TMEM41B: variants seen among roughly 807,000 people sequenced by gnomAD.
The protein encoded by TMEM41B is protein stasimon.
In TMEM41B, 18 loss-of-function variants were observed where a neutral mutation model predicts 31.9. That is an observed-to-expected ratio of 0.56 (90% confidence interval 0.39 to 0.84). The LOEUF is 0.84. TMEM41B is among the 40% of genes least tolerant of loss of function. The pLI is 0.00. For missense variants in TMEM41B, 322 were observed against 348.0 expected (o/e 0.93, Z 0.59); for synonymous variants, 144 against 124.3 (o/e 1.16, Z -1.05).
chr11:9,290,817 C>T (rs912703328), intron 3 of TMEM41B, among the ~76,000 whole-genome samples: 2 of 152,060 alleles, frequency 1.3e-5, no homozygotes, highest in Non-Finnish European at 2.9e-5. Flanking sequence ...TGTTATGATG[C>T]CCTATATTAA....
intron 6 of TMEM41B, among the ~76,000 whole-genome samples, chr11:9,285,604 C>T (rs1168262238): frequency 6.6e-6 from 1 of 151,940 alleles, no homozygotes; most frequent in African/African-American, 2.4e-5. Flanking sequence ...TTTTCATGTC[C>T]ACTGATTAAT....
At chr11:9,309,741 T>G (rs1240627219) in intron 1 of TMEM41B, among the ~76,000 whole-genome samples, 1 of 150,722 alleles carries the variant, frequency 6.6e-6, no homozygotes, top group African/African-American at 2.4e-5. Context: ...GCTAACATGG[T>G]GAAACCCCAT....
In TMEM41B at chr11:9,283,678, TAAAA is replaced by T. The variant is rs1852773255; in HGVS notation, c.707-89_707-86del. Reference sequence around the variant, plus strand: ...AATGTTCTGTGTGCATAAAGTTTCTTAAAACAACACAGCTATTTCCATTTTGGAA... The same window carrying T: ...AATGTTCTGTGTGCATAAAGTTTCTTCAACACAGCTATTTCCATTTTGGAA... On this transcript the variant is annotated intron_variant, in intron 6 of 6. Transcript: ENST00000528080. 4.2e-6 allele frequency: 5 copies of T among 1,200,714 alleles called. No individual in the cohort carries two copies. The South Asian group carries it at 6.0e-5, about 14-fold the overall frequency. The allele number at this position is 1,200,714 out of a possible 1,614,324, so 74.4% of individuals were successfully genotyped here.
At chr11:9,312,903 CAAAAAAAAA>C (rs36030741) in intron 1 of TMEM41B, among the ~76,000 whole-genome samples, 2 of 95,312 alleles carry the variant, frequency 2.1e-5, no homozygotes, top group Admixed American at 1.2e-4. Context: ...GACTCCGTCT[CAAAAAAAAA>C]AAAAAAAAAA....
intron 3 of TMEM41B, among the ~76,000 whole-genome samples, chr11:9,290,139 G>C (rs955392279): frequency 3.3e-5 from 5 of 152,058 alleles, no homozygotes; most frequent in Non-Finnish European, 4.4e-5. Flanking sequence ...CCAGCACTTA[G>C]GGAGTCTGAG....
chr11:9,282,156 T>C lies in TMEM41B; in HGVS notation c.*1268A>G, dbSNP rs927090984. ...ACTTTGGGAGGTGGAAGTGGGCATATAGCCTGAGGTCAGGAGTTCAAGACC... is the reference window on the plus strand; with the variant it reads ...ACTTTGGGAGGTGGAAGTGGGCATACAGCCTGAGGTCAGGAGTTCAAGACC... On this transcript the variant is annotated 3_prime_UTR_variant, in exon 7 of 7. Transcript: ENST00000528080. 2.0e-4 allele frequency: 30 copies of C among 152,128 alleles called. No individual in the cohort carries two copies. The highest frequency in any genetic ancestry group is 7.0e-4 in the African/African-American group (29 of 41,416). 9.4% of individuals were successfully genotyped at this position (152,128 alleles called of 1,614,324 possible).
At chr11:9,310,080 G>C (rs1186657623) in intron 1 of TMEM41B, among the ~76,000 whole-genome samples, 1 of 147,198 alleles carries the variant, frequency 6.8e-6, no homozygotes. Flanking sequence ...CTATCACCCA[G>C]ACTGGAGTGC....
In TMEM41B at chr11:9,292,617, G is replaced by A. The variant is rs562066176; in HGVS notation, c.368+2642C>T. On this transcript the variant is annotated intron_variant, in intron 3 of 6. Transcript: ENST00000528080. ...AGGTGGGAGGATCACTTGAGCCCAA[G>A]AGTTCCAGTTCGAGACCAGCCTGGG... is the stretch of plus-strand genomic sequence containing the variant. 2.0e-4 allele frequency among the ~76,000 whole-genome samples: 31 copies of A among 152,186 alleles called. No individual in the cohort carries two copies. The South Asian group carries it at 3.5e-3, about 17-fold the overall frequency.
At chr11:9,301,197 C>T (rs944603119) in intron 1 of TMEM41B, among the ~76,000 whole-genome samples, 1 of 151,946 alleles carries the variant, frequency 6.6e-6, no homozygotes, top group East Asian at 1.9e-4. Flanking sequence ...AGATTGAGAC[C>T]ATCCTGGCTA....
intron 3 of TMEM41B, among the ~76,000 whole-genome samples, chr11:9,294,002 C>A (rs571836261): frequency 5.3e-5 from 8 of 151,614 alleles, no homozygotes; most frequent in African/African-American, 1.9e-4. Flanking sequence ...CCAGCCCAGA[C>A]AACATAGCAA....
chr11:9,281,657 T>C lies in TMEM41B; in HGVS notation c.*1767A>G, dbSNP rs1449069332. ...TCAAGGAATCAAGGGCATTACCCATTTACCAAGCAGCAAAAAGCACTTTCA... is the reference window on the plus strand; with the variant it reads ...TCAAGGAATCAAGGGCATTACCCATCTACCAAGCAGCAAAAAGCACTTTCA... On this transcript the variant is annotated 3_prime_UTR_variant, in exon 7 of 7. Transcript: ENST00000528080. The C allele has an allele frequency of 1.3e-5, 2 of 152,228 alleles. No homozygotes were observed. Among genetic ancestry groups the C allele is most frequent in the African/African-American group, 4.8e-5 (2 of 41,466 alleles). 9.4% of individuals were successfully genotyped at this position (152,228 alleles called of 1,614,324 possible).
chr11:9,288,365 G>C, intron 4 of TMEM41B, 77 bp downstream of exon 4: 1 of 992,976 alleles, frequency 1.0e-6, no homozygotes. Flanking sequence ...ACATAGACTA[G>C]TAGGGTTAAA....
At chr11:9,294,558 T>G (rs1287790416) in intron 3 of TMEM41B, among the ~76,000 whole-genome samples, 1 of 151,722 alleles carries the variant, frequency 6.6e-6, no homozygotes, top group Non-Finnish European at 1.5e-5. Context: ...AAATTACGTC[T>G]TTCATTAACT....
chr11:9,303,437 G>C (rs1331939145), intron 1 of TMEM41B, among the ~76,000 whole-genome samples: 1 of 152,024 alleles, frequency 6.6e-6, no homozygotes, highest in Non-Finnish European at 1.5e-5. Context: ...AGTGTGCCCA[G>C]TCTGCAAAGC....
At chr11:9,310,239 T>C (rs1031950608) in intron 1 of TMEM41B, among the ~76,000 whole-genome samples, 1 of 151,932 alleles carries the variant, frequency 6.6e-6, no homozygotes, top group African/African-American at 2.4e-5. Context: ...CTTCTTCATG[T>C]TAGTCAGGCT....
intron 1 of TMEM41B, among the ~76,000 whole-genome samples, chr11:9,306,371 C>T (rs1853395921): frequency 6.6e-6 from 1 of 152,128 alleles, no homozygotes; most frequent in African/African-American, 2.4e-5. Context: ...TCCTCCCAGG[C>T]CAAAGGTACT....
Position 9,314,433 on chromosome 11 carries a change from T to C in TMEM41B, c.9A>G (p.Lys3=). 6.4e-7 allele frequency: 1 copy of C among 1,557,666 alleles called. No individual in the cohort carries two copies. Among genetic ancestry groups the C allele is most frequent in the East Asian group, 2.4e-5 (1 of 41,258 alleles). Residue 3 remains lysine, a synonymous_variant, in exon 1 of 7, where the codon AAA becomes AAG. Coordinates refer to ENST00000528080, the MANE Select transcript of TMEM41B (RefSeq NM_015012.4). MA[K]GRVAERSQLG... ...ACTGCGATCGTTCGGCGACTCTGCCTTTCGCCATGGCTGCTGCAAGGTGAA... is the reference window on the plus strand; with the variant it reads ...ACTGCGATCGTTCGGCGACTCTGCCCTTCGCCATGGCTGCTGCAAGGTGAA...
Position 9,308,665 on chromosome 11 carries a change from C to T in TMEM41B, c.121+5656G>A, listed in dbSNP as rs150343891. Among the ~76,000 whole-genome samples, 52 of 152,250 alleles carry T rather than the reference C, an allele frequency of 3.4e-4. 3 individuals carry two copies. The East Asian group carries it at 9.3e-3, about 27-fold the overall frequency. The stretch of plus-strand genomic sequence containing the variant: ...CACTGAGTGATCCATCACAGAAATC[C>T]ATGTCATTGGGAAAACTGATTTAGC... On this transcript the variant is annotated intron_variant, in intron 1 of 6. Coordinates refer to ENST00000528080, the MANE Select transcript of TMEM41B (RefSeq NM_015012.4).
At position 9,287,816 on chromosome 11, in the gene TMEM41B, A is replaced by G; in HGVS notation, c.463-10T>C. 2 of 1,588,928 alleles carry G rather than the reference A, an allele frequency of 1.3e-6. No individual in the cohort carries two copies. Among genetic ancestry groups the G allele is most frequent in the African/African-American group, 1.4e-5 (1 of 74,030 alleles). ...CACCAAGTCCAGAACACTGGAAAAC[A>G]AAAGAAGCCATAAGCGTTTTGTATT... is the stretch of plus-strand genomic sequence containing the variant. On this transcript the variant is annotated splice_polypyrimidine_tract_variant and intron_variant, in intron 4 of 6. Transcript: ENST00000528080.
Sources: allele counts gnomAD v4.1 joint callset (sites outside exome capture counted in the v4.1 genomes callset), GRCh38; gene constraint gnomAD v4.1.1; transcripts MANE v1.5; gene names NCBI Gene and HGNC (gene_info 2026-07-23, HGNC 2026-07-21).